FECH: variants seen among roughly 807,000 people sequenced by gnomAD.
FECH encodes the protein ferrochelatase.
A neutral mutation model predicts 56.9 loss-of-function variants in FECH; 40 were observed. The ratio of observed to expected loss-of-function variants is 0.70; its 90% CI spans 0.55 to 0.92. FECH has a LOEUF of 0.92. Among genes scored for constraint, FECH ranks in the 40% least tolerant of loss-of-function variants. FECH has a pLI of 0.00. For missense variants in FECH, 431 were observed against 529.1 expected (o/e 0.81, Z 1.82); for synonymous variants, 175 against 198.6 (o/e 0.88, Z 1.00).
chr18:57,585,039 A>T (rs987712549), intron 1 of FECH, among the ~76,000 whole-genome samples: 15 of 151,744 alleles, frequency 9.9e-5, no homozygotes, highest in Non-Finnish European at 2.1e-4. Flanking sequence ...CAAAACGTTT[A>T]AAGTTTGGAA....
chr18:57,564,631 G>A (rs985624526), intron 5 of FECH, among the ~76,000 whole-genome samples: 2 of 152,144 alleles, frequency 1.3e-5, no homozygotes, highest in East Asian at 1.9e-4. Flanking sequence ...AGATAAACAG[G>A]TTCAATTTTG....
At chr18:57,571,319 T>C in intron 4 of FECH, 73 bp downstream of exon 4, 1 of 1,497,962 alleles carries the variant, frequency 6.7e-7, no homozygotes, top group Non-Finnish European at 9.3e-7. Flanking sequence ...ATTTAGCATC[T>C]ACTACTCTTT....
chr18:57,559,503 G>A (rs1325214091), intron 6 of FECH, among the ~76,000 whole-genome samples: 1 of 152,254 alleles, frequency 6.6e-6, no homozygotes, highest in Admixed American at 6.5e-5. Flanking sequence ...GCAAATGCGC[G>A]CTGTGGATCT....
chr18:57,555,011 C>G, intron 7 of FECH, 59 bp from the exon 8 acceptor site: 2 of 1,335,680 alleles, frequency 1.5e-6, no homozygotes, highest in Non-Finnish European at 2.2e-6. Flanking sequence ...CCGAGAGCCT[C>G]TGACTATGTG....
At chr18:57,580,490 A>C (rs1271996353) in intron 1 of FECH, among the ~76,000 whole-genome samples, 1 of 152,098 alleles carries the variant, frequency 6.6e-6, no homozygotes, top group Non-Finnish European at 1.5e-5. Context: ...ATCCCTCACA[A>C]GAACCCCTGC....
intron 9 of FECH, among the ~76,000 whole-genome samples, chr18:57,552,671 A>T (rs1477938884): frequency 6.6e-6 from 1 of 152,170 alleles, no homozygotes; most frequent in African/African-American, 2.4e-5. Context: ...AAGTGCTGAG[A>T]TTACAGGTGT....
intron 1 of FECH, 62 bp downstream of exon 1, chr18:57,586,492 C>T (rs1291997510): frequency 6.7e-7 from 1 of 1,493,904 alleles, no homozygotes; most frequent in Non-Finnish European, 8.9e-7. Flanking sequence ...GCCAGCTGCC[C>T]GCTCTGCCCA....
rs1159884456 is a variant in FECH at position 57,546,319 on chromosome 18, G to A, written c.*4393C>T. ...CAGCTTTAAATTCTGCCTTCCCGCTGTCGTTGGGCAAGGTGGTCCTTTGCC... is the reference window on the plus strand; with the variant it reads ...CAGCTTTAAATTCTGCCTTCCCGCTATCGTTGGGCAAGGTGGTCCTTTGCC... On this transcript the variant is annotated 3_prime_UTR_variant, in exon 11 of 11. Transcript: ENST00000262093. 6.6e-6 allele frequency among the ~76,000 whole-genome samples: 1 copy of A among 152,172 alleles called. No individual in the cohort carries two copies. The highest frequency in any genetic ancestry group is 1.5e-5 in the Non-Finnish European group (1 of 68,026).
At chr18:57,581,013 G>C (rs996532116) in intron 1 of FECH, among the ~76,000 whole-genome samples, 4 of 152,204 alleles carry the variant, frequency 2.6e-5, no homozygotes, top group African/African-American at 9.7e-5. Flanking sequence ...GAAGACCAGA[G>C]AGTCCATCCA....
chr18:57,554,797 A>C lies in FECH; in HGVS notation c.912+48T>G, dbSNP rs573077999. The C allele has an allele frequency of 4.8e-6, 7 of 1,465,250 alleles. No homozygotes were observed. In the East Asian group the frequency reaches 1.1e-4, roughly 24 times the overall value. 90.8% of individuals were successfully genotyped at this position (1,465,250 alleles called of 1,614,324 possible). A position where few individuals can be genotyped will look rare whatever the true frequency, so the allele number is the denominator to read the frequency against. On this transcript the variant is annotated intron_variant, in intron 8 of 10. Transcript: ENST00000262093. ...TAACCATTTTATAACTCATAAAATA[A>C]ATTTTACCAATAAGAGCTGGCCGCC... is the stretch of plus-strand genomic sequence containing the variant.
Position 57,550,704 on chromosome 18 carries a change from G to A in FECH, c.*8C>T, listed in dbSNP as rs777848707. On this transcript the variant is annotated 3_prime_UTR_variant, in exon 11 of 11. Coordinates refer to ENST00000262093, the MANE Select transcript of FECH (RefSeq NM_000140.5). Reference sequence around the variant, plus strand: ...TTTGCCTAACGCCACGGGGTCCACCGGCGGGGGTCACAGCTGCTGGCTGGT... The same window carrying A: ...TTTGCCTAACGCCACGGGGTCCACCAGCGGGGGTCACAGCTGCTGGCTGGT... The A allele has an allele frequency of 1.2e-5, 20 of 1,613,750 alleles. No individual in the cohort carries two copies. In the Admixed American group the frequency reaches 1.3e-4, roughly 11 times the overall value.
In FECH at chr18:57,571,482, T is replaced by C. The variant is rs775451235; in HGVS notation, c.373A>G (p.Arg125Gly). The change falls in exon 4 of 11, where the codon AGG (arginine) becomes GGG (glycine). Residue 125 changes from arginine to glycine, a missense_variant. By Grantham distance (125) the Arg-to-Gly change is moderately radical (BLOSUM62 -2). Transcript: ENST00000262093. The stretch of plus-strand genomic sequence containing the variant: ...TTGATGGGGGATCCGCCTCCAATCC[T>C]GCGGTACTGCTCTTGAATCTTGGGG... ...RTPKIQEQYRRIGGGSPIKIW... is the reference protein window; with the variant it reads ...RTPKIQEQYRGIGGGSPIKIW... The C allele has an allele frequency of 1.2e-6, 2 of 1,614,056 alleles. No individual in the cohort carries two copies. The highest frequency in any genetic ancestry group is 1.7e-6 in the Non-Finnish European group (2 of 1,180,016).
At chr18:57,562,771 G>T in intron 6 of FECH, 103 bp downstream of exon 6, 3 of 827,258 alleles carry the variant, frequency 3.6e-6, no homozygotes, top group South Asian at 2.7e-5. Flanking sequence ...ATTTAAGCAA[G>T]GGAACAGTAA....
intron 5 of FECH, among the ~76,000 whole-genome samples, chr18:57,563,646 T>G (rs2050977503): frequency 6.8e-6 from 1 of 146,848 alleles, no homozygotes. Context: ...ATCAATCCCA[T>G]TATAGGAAAT....
chr18:57,571,472 CCTCCA>C lies in FECH; in HGVS notation c.378_382del (p.Ile126MetfsTer22), dbSNP rs2051107067. The C allele has an allele frequency of 1.2e-6, 2 of 1,613,866 alleles. No individual in the cohort carries two copies. The highest frequency in any genetic ancestry group is 1.3e-5 in the African/African-American group (1 of 74,864). On this transcript the variant is annotated frameshift_variant, in exon 4 of 11. Coordinates refer to ENST00000262093, the MANE Select transcript of FECH (RefSeq NM_000140.5). LOFTEE classifies it high-confidence loss of function. ...AGTCCATATCTTGATGGGGGATCCG[CCTCCA>C]ATCCTGCGGTACTGCTCTTGAATCT...
intron 9 of FECH, among the ~76,000 whole-genome samples, chr18:57,552,197 T>C (rs1020991043): frequency 1.3e-5 from 2 of 151,880 alleles, no homozygotes; most frequent in African/African-American, 4.8e-5. Flanking sequence ...AATATATTCT[T>C]ATGGAGAAAA....
At chr18:57,558,773 T>C (rs978861882) in intron 7 of FECH, among the ~76,000 whole-genome samples, 1 of 151,798 alleles carries the variant, frequency 6.6e-6, no homozygotes, top group Non-Finnish European at 1.5e-5. Context: ...TACAAAAAAT[T>C]AGCCAGGCAT....
At chr18:57,573,147 TAC>T in intron 3 of FECH, 97 bp downstream of exon 3, 1 of 1,152,564 alleles carries the variant, frequency 8.7e-7, no homozygotes, top group Non-Finnish European at 1.3e-6. Context: ...CATTACCAGA[TAC>T]GCATTAAAAC....
At chr18:57,571,693 C>T (rs559734808) in intron 3 of FECH, 153 bp from the exon 4 acceptor site, 8 of 1,023,564 alleles carry the variant, frequency 7.8e-6, no homozygotes, top group African/African-American at 6.4e-5. Flanking sequence ...TTGACAATAG[C>T]CAGCTCTCTT....
Sources: allele counts gnomAD v4.1 joint callset (sites outside exome capture counted in the v4.1 genomes callset), GRCh38; gene constraint gnomAD v4.1.1; transcripts MANE v1.5; gene names NCBI Gene and HGNC (gene_info 2026-07-23, HGNC 2026-07-21).